Variants in SIK3 observed in about 807,000 individuals in gnomAD.
The protein encoded by SIK3 is serine/threonine-protein kinase SIK3.
Under a neutral mutation model 144.2 loss-of-function variants are expected in SIK3, and 28 were observed. That is an observed-to-expected ratio of 0.19 (90% confidence interval 0.14 to 0.27). The LOEUF (loss-of-function observed/expected upper bound fraction) is 0.27. SIK3 is among the 10% of genes least tolerant of loss of function. The probability of loss-of-function intolerance (pLI) is 1.00; values close to 1 mark genes in which losing one functional copy is unlikely to be tolerated. For missense variants in SIK3, 1,319 were observed against 1,776.0 expected (o/e 0.74, Z 4.62); for synonymous variants, 686 against 676.3 (o/e 1.01, Z -0.22).
intron 4 of SIK3, among the ~76,000 whole-genome samples, chr11:116,902,584 T>C (rs892481250): frequency 2.6e-5 from 4 of 152,328 alleles, no homozygotes; most frequent in Admixed American, 6.5e-5. Context: ...AACAGCTGGC[T>C]TCAACAGCTA....
At chr11:116,876,153 AG>A in intron 8 of SIK3, 99 bp downstream of exon 8, 1 of 1,482,452 alleles carries the variant, frequency 6.7e-7, no homozygotes, top group Non-Finnish European at 9.2e-7. Flanking sequence ...GAAAAACAGG[AG>A]GAAAAAAAAG....
chr11:116,952,265 G>A (rs1948969701), intron 3 of SIK3, among the ~76,000 whole-genome samples: 1 of 152,124 alleles, frequency 6.6e-6, no homozygotes, highest in Non-Finnish European at 1.5e-5. Flanking sequence ...AGCCAGGTAT[G>A]CTAGTGCACA....
chr11:116,860,464 A>G (rs904384569), intron 19 of SIK3, among the ~76,000 whole-genome samples: 1 of 152,182 alleles, frequency 6.6e-6, no homozygotes, highest in African/African-American at 2.4e-5. Flanking sequence ...TCACAGTCAC[A>G]TTATACTTAT....
At chr11:116,968,304 G>A (rs763213824) in intron 1 of SIK3, among the ~76,000 whole-genome samples, 3 of 151,952 alleles carry the variant, frequency 2.0e-5, no homozygotes, top group Admixed American at 6.6e-5. Flanking sequence ...CACCATGCCC[G>A]GCTAATTTTT....
In SIK3 at chr11:116,954,091, C is replaced by T. The variant is rs751793973; in HGVS notation, c.407G>A (p.Arg136Gln). 8.1e-6 allele frequency: 13 copies of T among 1,613,952 alleles called. No homozygotes were observed. In the East Asian group the frequency reaches 1.8e-4, roughly 22 times the overall value. Residue 136 changes from arginine to glutamine, a missense_variant, in exon 3 of 25, where the codon CGG (arginine) becomes CAG (glutamine). This residue lies in a region of SIK3 where 125 missense variants were observed against 285.2 expected (regional missense o/e 0.44). Coordinates refer to ENST00000445177, the MANE Select transcript of SIK3 (RefSeq NM_001366686.3). ...ATATTCTGTCACCAGATAAATCATC[C>T]GTTCTGTCTCCATAACCTGGTGCAA... ...IRLYQVMETERMIYLVTEYAS... is the reference protein window; with the variant it reads ...IRLYQVMETEQMIYLVTEYAS...
intron 1 of SIK3, among the ~76,000 whole-genome samples, chr11:117,050,531 CA>C (rs1318395594): frequency 1.2e-4 from 18 of 151,130 alleles, no homozygotes; most frequent in Middle Eastern, 3.5e-3. Context: ...ACTAAAAATA[CA>C]AAAATTAGCC....
intron 1 of SIK3, among the ~76,000 whole-genome samples, chr11:117,063,060 C>T (rs1953867858): frequency 6.6e-6 from 1 of 152,166 alleles, no homozygotes; most frequent in South Asian, 2.1e-4. Flanking sequence ...TGTTCAGCTG[C>T]TATAATGAAT....
intron 1 of SIK3, among the ~76,000 whole-genome samples, chr11:117,062,994 C>T (rs1298135496): frequency 6.6e-6 from 1 of 152,160 alleles, no homozygotes; most frequent in Admixed American, 6.5e-5. Flanking sequence ...AATTCTTTTG[C>T]TGCAGATAAA....
chr11:117,053,720 C>G (rs1399860411), intron 1 of SIK3, among the ~76,000 whole-genome samples: 1 of 149,744 alleles, frequency 6.7e-6, no homozygotes, highest in African/African-American at 2.4e-5. Flanking sequence ...AATCATGGCT[C>G]ACTGCAGCCT....
chr11:116,933,792 A>G lies in SIK3; in HGVS notation c.455-6412T>C, dbSNP rs142316399. 1.7e-3 allele frequency among the ~76,000 whole-genome samples: 259 copies of G among 152,312 alleles called. 5 individuals carry two copies. The East Asian group carries it at 0.038, about 23-fold the overall frequency. ...GCAGGGTAATTCTCTTAAATCTTAAATAAGATCACATCATTTTTTTCTGTC... is the reference window on the plus strand; with the variant it reads ...GCAGGGTAATTCTCTTAAATCTTAAGTAAGATCACATCATTTTTTTCTGTC... On this transcript the variant is annotated intron_variant, in intron 3 of 24. Coordinates refer to ENST00000445177, the MANE Select transcript of SIK3 (RefSeq NM_001366686.3).
intron 3 of SIK3, among the ~76,000 whole-genome samples, chr11:116,948,596 A>T (rs1020467915): frequency 7.2e-5 from 11 of 151,934 alleles, no homozygotes; most frequent in African/African-American, 2.2e-4. Context: ...TTCTTAAGGG[A>T]CTGTAGTAAT....
intron 4 of SIK3, among the ~76,000 whole-genome samples, chr11:116,921,456 G>T (rs1352560472): frequency 6.6e-6 from 1 of 152,090 alleles, no homozygotes; most frequent in African/African-American, 2.4e-5. Flanking sequence ...TCGTTAACAA[G>T]TAAGATTCTA....
At chr11:117,045,019 G>A (rs1952897337) in intron 1 of SIK3, among the ~76,000 whole-genome samples, 1 of 152,176 alleles carries the variant, frequency 6.6e-6, no homozygotes, top group South Asian at 2.1e-4. Context: ...CCATATTTAA[G>A]AACACACATA....
chr11:117,051,961 G>A (rs1953267360), intron 1 of SIK3, among the ~76,000 whole-genome samples: 2 of 151,800 alleles, frequency 1.3e-5, no homozygotes, highest in Non-Finnish European at 1.5e-5. Flanking sequence ...GGCCAACATG[G>A]TGAAATCCCG....
chr11:117,039,007 G>A (rs1952630896), intron 1 of SIK3, among the ~76,000 whole-genome samples: 2 of 151,958 alleles, frequency 1.3e-5, no homozygotes, highest in South Asian at 2.1e-4. Flanking sequence ...CTGAGATTGT[G>A]CCACTGCATT....
intron 4 of SIK3, among the ~76,000 whole-genome samples, chr11:116,898,337 G>C (rs1413948909): frequency 1.3e-5 from 2 of 152,084 alleles, no homozygotes; most frequent in Non-Finnish European, 2.9e-5. Flanking sequence ...GTATTCCATG[G>C]TGTATATGTG....
intron 3 of SIK3, among the ~76,000 whole-genome samples, chr11:116,936,633 T>C (rs910807250): frequency 3.3e-5 from 5 of 152,232 alleles, no homozygotes; most frequent in Non-Finnish European, 7.3e-5. Flanking sequence ...ATACGCTAAA[T>C]TTTCGACTTA....
At chr11:117,032,286 T>A (rs1173520229) in intron 1 of SIK3, among the ~76,000 whole-genome samples, 2 of 152,222 alleles carry the variant, frequency 1.3e-5, no homozygotes, top group South Asian at 2.1e-4. Context: ...TGTTGAGTCT[T>A]CCAATCATGA....
At chr11:116,989,674 A>C (rs893487508) in intron 1 of SIK3, among the ~76,000 whole-genome samples, 1 of 152,118 alleles carries the variant, frequency 6.6e-6, no homozygotes, top group Non-Finnish European at 1.5e-5. Context: ...GTGAGTTCCT[A>C]TTACTGTGAG....
Sources: gnomAD v4.1 joint callset for allele counts (sites outside exome capture counted in the v4.1 genomes callset) on GRCh38, gnomAD v4.1.1 for gene constraint, gnomAD v4.1.1 regional missense constraint, MANE v1.5 for transcripts, NCBI Gene and HGNC (gene_info 2026-07-23, HGNC 2026-07-21) for gene names.